Variants in RALYL observed in about 807,000 individuals in gnomAD.
RALYL encodes RALY RNA binding protein like.
Under a neutral mutation model 35.1 loss-of-function variants are expected in RALYL, and 29 were observed. The observed-to-expected ratio is 0.83, with a 90% confidence interval of 0.61 to 1.13. The LOEUF is 1.13. Ranked by LOEUF, RALYL falls within the 50% of genes most tolerant of loss-of-function variation. The pLI, the probability that RALYL is intolerant of heterozygous loss-of-function variation, is 0.00. For synonymous variants in RALYL, 120 were observed against 127.6 expected, an observed-to-expected ratio of 0.94 and a Z score of 0.40; for missense variants, 359 against 360.4, an observed-to-expected ratio of 1.00 and a Z score of 0.03.
intron 1 of RALYL, among the ~76,000 whole-genome samples, chr8:84,500,891 A>G (rs1029651813): frequency 4.6e-5 from 7 of 152,130 alleles, no homozygotes; most frequent in Admixed American, 2.6e-4. Context: ...TGTTGACAGG[A>G]TTAAGTAGAG....
intron 1 of RALYL, among the ~76,000 whole-genome samples, chr8:84,465,000 C>G (rs896322706): frequency 1.8e-5 from 2 of 109,514 alleles, no homozygotes; most frequent in African/African-American, 6.9e-5. Flanking sequence ...TTGTTTTTTT[C>G]TTGTAAATTT....
chr8:84,499,899 T>C (rs1306379655), intron 1 of RALYL, among the ~76,000 whole-genome samples: 1 of 152,050 alleles, frequency 6.6e-6, no homozygotes, highest in Admixed American at 6.6e-5. Context: ...AGACTGCAGG[T>C]GCATGCCACC....
chr8:84,459,496 G>T (rs907238868), intron 1 of RALYL, among the ~76,000 whole-genome samples: 35 of 151,868 alleles, frequency 2.3e-4, no homozygotes, highest in Admixed American at 2.3e-3. Context: ...TGTAGGTCAT[G>T]TTGAGGAGTT....
At chr8:84,848,516 C>G (rs1005674674) in intron 4 of RALYL, among the ~76,000 whole-genome samples, 1 of 151,672 alleles carries the variant, frequency 6.6e-6, no homozygotes, top group Non-Finnish European at 1.5e-5. Context: ...CTGATACATA[C>G]TACATGGATA....
chr8:84,294,748 A>G (rs1839431514), intron 1 of RALYL, among the ~76,000 whole-genome samples: 1 of 152,066 alleles, frequency 6.6e-6, no homozygotes, highest in South Asian at 2.1e-4. Flanking sequence ...TAGACAGAGA[A>G]GTGGGTTAAC....
chr8:84,185,029 G>A (rs948052289), intron 1 of RALYL: 17 of 1,613,904 alleles, frequency 1.1e-5, no homozygotes, highest in Non-Finnish European at 1.4e-5. Context: ...GTCCTACCCA[G>A]CCTATTTTGC....
intron 2 of RALYL, among the ~76,000 whole-genome samples, chr8:84,699,200 T>C (rs1564395960): frequency 6.6e-6 from 1 of 152,134 alleles, no homozygotes; most frequent in Non-Finnish European, 1.5e-5. Context: ...TTTTAATTTC[T>C]CATCAGGATT....
chr8:84,793,192 T>C (rs1334631402), intron 3 of RALYL, among the ~76,000 whole-genome samples: 1 of 152,018 alleles, frequency 6.6e-6, no homozygotes, highest in Non-Finnish European at 1.5e-5. Flanking sequence ...GCCACAAGAC[T>C]GGGTGAGAAC....
chr8:84,361,451 T>C (rs925745064), intron 1 of RALYL, among the ~76,000 whole-genome samples: 2 of 152,140 alleles, frequency 1.3e-5, no homozygotes, highest in African/African-American at 4.8e-5. Context: ...GAGAAGAAAC[T>C]GGGACAACAG....
intron 2 of RALYL, among the ~76,000 whole-genome samples, chr8:84,741,284 T>C (rs1230068712): frequency 6.6e-6 from 1 of 152,042 alleles, no homozygotes; most frequent in Non-Finnish European, 1.5e-5. Flanking sequence ...CCAGGGTCAC[T>C]GCTCATCACT....
At chr8:84,780,530 T>C (rs1179464861) in intron 3 of RALYL, among the ~76,000 whole-genome samples, 1 of 152,228 alleles carries the variant, frequency 6.6e-6, no homozygotes, top group Admixed American at 6.5e-5. Context: ...ATGCTTTTGT[T>C]CTAGAAAAGG....
chr8:84,387,937 G>A (rs1859626573), intron 1 of RALYL, among the ~76,000 whole-genome samples: 1 of 151,588 alleles, frequency 6.6e-6, no homozygotes, highest in Non-Finnish European at 1.5e-5. Context: ...CTGGTGCACT[G>A]CACCCACTAA....
chr8:84,719,151 C>T (rs943355136), intron 2 of RALYL, among the ~76,000 whole-genome samples: 4 of 152,104 alleles, frequency 2.6e-5, no homozygotes, highest in Non-Finnish European at 5.9e-5. Context: ...GATAATTTAT[C>T]TAGTCATTTG....
chr8:84,332,573 G>T (rs1847037484), intron 1 of RALYL, among the ~76,000 whole-genome samples: 1 of 151,940 alleles, frequency 6.6e-6, no homozygotes, highest in Non-Finnish European at 1.5e-5. Flanking sequence ...GAAGGAACAA[G>T]GTAATAAAGA....
In RALYL at chr8:84,921,641, T is replaced by A. The variant is rs1849320915; in HGVS notation, c.*730T>A. 1 of 152,104 alleles carries A rather than the reference T, an allele frequency of 6.6e-6. No individual in the cohort carries two copies. Among genetic ancestry groups the A allele is most frequent in the Admixed American group, 6.6e-5 (1 of 15,242 alleles). 9.4% of individuals were successfully genotyped at this position (152,104 alleles called of 1,614,324 possible). A position where few individuals can be genotyped will look rare whatever the true frequency, so the allele number is the denominator to read the frequency against. On this transcript the variant is annotated 3_prime_UTR_variant, in exon 9 of 9. Coordinates refer to ENST00000521268, the MANE Select transcript of RALYL (RefSeq NM_173848.7). ...GCCAAGGAAAAGACTGTCTTGCCCT[T>A]GGATCCAAAAGTTTAAATTAGTGCA...
intron 1 of RALYL, among the ~76,000 whole-genome samples, chr8:84,202,529 GC>G (rs2131028471): frequency 6.6e-6 from 1 of 151,828 alleles, no homozygotes; most frequent in African/African-American, 2.4e-5. Context: ...CCACCACCAC[GC>G]CCAGCTAATT....
intron 1 of RALYL, among the ~76,000 whole-genome samples, chr8:84,526,332 T>G (rs1179827710): frequency 6.6e-6 from 1 of 152,194 alleles, no homozygotes; most frequent in Admixed American, 6.5e-5. Flanking sequence ...TGGATCATCT[T>G]AAGCCTTGTT....
chr8:84,691,545 GA>G lies in RALYL; in HGVS notation c.257-83033del, dbSNP rs1343007751. Among the ~76,000 whole-genome samples, 3 of 152,074 alleles carry G rather than the reference GA, an allele frequency of 2.0e-5. No homozygotes were observed. The East Asian group carries it at 5.8e-4, about 29-fold the overall frequency. ...ATCATTATCTGATTATATTCCTAAGGAGCTAAGCACAGCCCCATTTAATTAA... is the reference window on the plus strand; with the variant it reads ...ATCATTATCTGATTATATTCCTAAGGGCTAAGCACAGCCCCATTTAATTAA... On this transcript the variant is annotated intron_variant, in intron 2 of 8. Coordinates refer to ENST00000521268, the MANE Select transcript of RALYL (RefSeq NM_173848.7).
intron 1 of RALYL, among the ~76,000 whole-genome samples, chr8:84,188,391 G>T (rs774841201): frequency 2.0e-5 from 3 of 151,902 alleles, no homozygotes; most frequent in Non-Finnish European, 2.9e-5. Context: ...TGTTTAAAAA[G>T]GTCCTTATTG....
Sources: allele counts gnomAD v4.1 joint callset (sites outside exome capture counted in the v4.1 genomes callset), GRCh38; gene constraint gnomAD v4.1.1; transcripts MANE v1.5; gene names NCBI Gene and HGNC (gene_info 2026-07-23, HGNC 2026-07-21).